The following GAREM1 variants were observed in gnomAD, a reference collection of about 807,000 sequenced individuals.
The protein encoded by GAREM1 is GRB2-associated and regulator of MAPK protein 1.
In GAREM1, 26 loss-of-function variants were observed where a neutral mutation model predicts 71.3. That is an observed-to-expected ratio of 0.36 (90% CI 0.27 to 0.51). GAREM1 has a LOEUF of 0.51. Ranked by LOEUF, GAREM1 falls within the 20% of genes least tolerant of loss-of-function variation. The probability of loss-of-function intolerance (pLI) is 0.95; values close to 1 mark genes in which losing one functional copy is unlikely to be tolerated. For missense variants in GAREM1, 1,026 were observed against 1,103.1 expected (o/e 0.93, Z 0.99); for synonymous variants, 440 against 433.2 (o/e 1.02, Z -0.20).
rs765449131 is a variant in GAREM1, at chr18:32,287,095, C to A, written c.1502G>T (p.Gly501Val). ...AGTATCTGAAGACTTCACTGCTGCT[C>A]CCAGAGTCCCAGGGATGGGAAGAGG... is the stretch of plus-strand genomic sequence containing the variant. ...TSPLPIPGTL[G>V]AAVKSSDTAL... is the part of the protein sequence containing the mutation. The change falls in exon 4 of 6, where the codon GGA becomes GTA. Residue 501 changes from glycine (G) to valine (V), a missense_variant. Transcript: ENST00000269209. The surrounding 1 kb of genome is among the most constrained non-coding windows in gnomAD (Gnocchi z 5.9). The A allele has an allele frequency of 8.1e-6, 13 of 1,614,194 alleles. No individual in the cohort carries two copies. The highest frequency in any genetic ancestry group is 1.1e-5 in the Non-Finnish European group (13 of 1,180,038).
chr18:32,367,585 G>A (rs2047939018), intron 2 of GAREM1, among the ~76,000 whole-genome samples: 2 of 152,224 alleles, frequency 1.3e-5, no homozygotes, highest in Non-Finnish European at 2.9e-5. Flanking sequence ...TACGAGAAGA[G>A]CAATCTCTCA....
chr18:32,423,356 T>C (rs562435552), intron 1 of GAREM1, among the ~76,000 whole-genome samples: 30 of 152,372 alleles, frequency 2.0e-4, no homozygotes, highest in Middle Eastern at 3.4e-3. Context: ...TAGTTTACAC[T>C]ATGTTTTAGT....
intron 1 of GAREM1, among the ~76,000 whole-genome samples, chr18:32,450,719 T>C (rs17811798): frequency 0.14 from 21,068 of 152,132 alleles, 1,806 homozygotes; most frequent in East Asian, 0.39. Context: ...ACTGGAGTCA[T>C]AATCCCAGCA....
At chr18:32,280,101 A>T (rs1031146839) in intron 4 of GAREM1, among the ~76,000 whole-genome samples, 1 of 152,334 alleles carries the variant, frequency 6.6e-6, no homozygotes, top group African/African-American at 2.4e-5. Context: ...TAGAGCAGTT[A>T]TTTGGAAAAG....
chr18:32,412,584 C>T lies in GAREM1; in HGVS notation c.122-19549G>A, dbSNP rs535299472. The T allele has an allele frequency of 3.2e-5, 49 of 1,547,128 alleles. No individual in the cohort carries two copies. In the South Asian group the frequency reaches 4.8e-4, roughly 15 times the overall value. The stretch of plus-strand genomic sequence containing the variant: ...ACGACCACCACCAAAGTTTCCAGAA[C>T]CACTTCGACCTCTTTGGCTGGATGA... On this transcript the variant is annotated intron_variant, in intron 1 of 5. Transcript: ENST00000269209.
At position 32,263,827 on chromosome 18, in the gene GAREM1, TGA is replaced by T. The variant is rs1309448109; in HGVS notation, c.*4042_*4043del. On this transcript the variant is annotated 3_prime_UTR_variant, in exon 6 of 6. Transcript: ENST00000269209. The stretch of plus-strand genomic sequence containing the variant: ...CTTAAATATTTTAAATGAAACAATA[TGA>T]GAGTGGGAGAAAAGGTTTATAGCTA... The T allele has an allele frequency of 6.6e-6, 1 of 152,256 alleles. No individual in the cohort carries two copies. Among genetic ancestry groups the T allele is most frequent in the East Asian group, 1.9e-4 (1 of 5,176 alleles). 9.4% of individuals were successfully genotyped at this position (152,256 alleles called of 1,614,324 possible). A position where few individuals can be genotyped will look rare whatever the true frequency, so the allele number is the denominator to read the frequency against.
At chr18:32,282,110 G>A (rs1033584215) in intron 4 of GAREM1, among the ~76,000 whole-genome samples, 27 of 151,670 alleles carry the variant, frequency 1.8e-4, no homozygotes, top group African/African-American at 5.6e-4. Context: ...ATCTCCCTTC[G>A]CTGACTCTCT....
intron 1 of GAREM1, among the ~76,000 whole-genome samples, chr18:32,394,245 T>C (rs1035574055): frequency 5.9e-5 from 9 of 151,766 alleles, no homozygotes; most frequent in Non-Finnish European, 1.2e-4. Context: ...ACAAAAAAAA[T>C]ACAAAAATTT....
At chr18:32,412,313 G>A in intron 1 of GAREM1, 1 of 1,593,690 alleles carries the variant, frequency 6.3e-7, no homozygotes, top group South Asian at 1.1e-5. Context: ...CACCGCCATA[G>A]GGGCCAGAGT....
chr18:32,412,365 G>C lies in GAREM1; in HGVS notation c.122-19330C>G, dbSNP rs1476424204. 6.9e-6 allele frequency: 11 copies of C among 1,592,192 alleles called. No homozygotes were observed. The Admixed American group carries it at 1.8e-4, about 27-fold the overall frequency. ...TCCTCCCTTCATGGGTCCAAAATTT[G>C]AAGACTGATTGTTGTAATTGCCAAA... On this transcript the variant is annotated intron_variant, in intron 1 of 5. Coordinates refer to ENST00000269209, the MANE Select transcript of GAREM1 (RefSeq NM_001242409.2).
At chr18:32,301,020 T>C (rs1000018940) in intron 3 of GAREM1, among the ~76,000 whole-genome samples, 2 of 152,068 alleles carry the variant, frequency 1.3e-5, no homozygotes, top group Middle Eastern at 3.2e-3. Flanking sequence ...GCAACAAATA[T>C]GTTAAAATAA....
At position 32,470,562 on chromosome 18, in the gene GAREM1, C is replaced by T. The variant is rs934866260; in HGVS notation, c.-134G>A. On this transcript the variant is annotated 5_prime_UTR_variant, in exon 1 of 6. Transcript: ENST00000269209. The surrounding 1 kb of genome is among the most constrained non-coding windows in gnomAD (Gnocchi z 4.4). ...CCGGGCAGCTCCGGCCGCGGGCAGCCGGGGGGGCGCGGCGACTGGGGCGGC... is the reference window on the plus strand; with the variant it reads ...CCGGGCAGCTCCGGCCGCGGGCAGCTGGGGGGGCGCGGCGACTGGGGCGGC... 7.7e-6 allele frequency: 4 copies of T among 517,304 alleles called. No individual in the cohort carries two copies. Among genetic ancestry groups the T allele is most frequent in the South Asian group, 8.4e-5 (1 of 11,928 alleles). The allele number at this position is 517,304 out of a possible 1,614,324, so 32.0% of individuals were successfully genotyped here.
At chr18:32,421,816 C>G (rs1419429467) in intron 1 of GAREM1, among the ~76,000 whole-genome samples, 3 of 152,012 alleles carry the variant, frequency 2.0e-5, no homozygotes, top group Admixed American at 6.6e-5. Context: ...CTAGGATACT[C>G]CCAAATCCAC....
At position 32,470,674 on chromosome 18, in the gene GAREM1, T is replaced by G. The variant is rs2049046009; in HGVS notation, c.-246A>C. ...GCGTGCCCTCACGCCCGGAGAAGAC[T>G]CAGAGCAGCCGCGCGGCTGCGGGCG... On this transcript the variant is annotated 5_prime_UTR_variant, in exon 1 of 6. Transcript: ENST00000269209. This position sits in a 1 kb window ranked among gnomAD's most constrained non-coding sequence, Gnocchi z 4.4. Among the ~76,000 whole-genome samples the G allele has an allele frequency of 6.7e-6, 1 of 149,138 alleles. No individual in the cohort carries two copies. The highest frequency in any genetic ancestry group is 2.4e-5 in the African/African-American group (1 of 40,946).
chr18:32,292,517 T>C (rs1441955212), intron 3 of GAREM1, among the ~76,000 whole-genome samples: 2 of 152,170 alleles, frequency 1.3e-5, no homozygotes, highest in African/African-American at 4.8e-5. Flanking sequence ...TCACCTGGAA[T>C]TGTAATAATC....
chr18:32,389,795 C>T (rs184146199), intron 2 of GAREM1, among the ~76,000 whole-genome samples: 1 of 152,216 alleles, frequency 6.6e-6, no homozygotes, highest in South Asian at 2.1e-4. Context: ...TAAATAGATT[C>T]TTGGAGACAA....
chr18:32,316,558 C>T (rs2047379686), intron 2 of GAREM1, among the ~76,000 whole-genome samples: 2 of 152,148 alleles, frequency 1.3e-5, no homozygotes, highest in African/African-American at 4.8e-5. Flanking sequence ...CATCCTCTTA[C>T]CTCAGCCTCC....
intron 2 of GAREM1, among the ~76,000 whole-genome samples, chr18:32,330,454 A>C (rs1352362159): frequency 2.0e-5 from 3 of 152,154 alleles, no homozygotes; most frequent in Non-Finnish European, 4.4e-5. Context: ...CGTCAGCATC[A>C]TGCAATGTAC....
chr18:32,418,511 T>G (rs2048486964), intron 1 of GAREM1, among the ~76,000 whole-genome samples: 1 of 152,176 alleles, frequency 6.6e-6, no homozygotes, highest in African/African-American at 2.4e-5. Flanking sequence ...GAGCATGACA[T>G]AAAATCACCA....
Sources: allele counts gnomAD v4.1 joint callset (sites outside exome capture counted in the v4.1 genomes callset), GRCh38; gene constraint gnomAD v4.1.1; non-coding constraint Gnocchi (gnomAD v3.1); transcripts MANE v1.5; gene names NCBI Gene and HGNC (gene_info 2026-07-23, HGNC 2026-07-21).